Variants in CFAP299 observed in about 807,000 individuals in gnomAD.
CFAP299 encodes the protein cilia and flagella associated protein 299.
CFAP299 carries 21 observed loss-of-function variants against 27.0 expected under a neutral mutation model. The observed-to-expected ratio is 0.78, with a 90% CI of 0.55 to 1.12. The LOEUF (loss-of-function observed/expected upper bound fraction) is 1.12. Ranked by LOEUF, CFAP299 falls within the 50% of genes most tolerant of loss-of-function variation. CFAP299 has a pLI of 0.00. For synonymous variants in CFAP299, 104 were observed against 98.1 expected, an observed-to-expected ratio of 1.06 and a Z score of -0.36; for missense variants, 310 against 276.6, an observed-to-expected ratio of 1.12 and a Z score of -0.86.
At chr4:80,361,807 G>A (rs1242542982) in intron 1 of CFAP299, among the ~76,000 whole-genome samples, 3 of 152,066 alleles carry the variant, frequency 2.0e-5, no homozygotes, top group Non-Finnish European at 4.4e-5. Flanking sequence ...GACATCTTAA[G>A]TTTTCTCCTT....
At chr4:80,953,006 C>T (rs989690764) in intron 5 of CFAP299, among the ~76,000 whole-genome samples, 2 of 152,114 alleles carry the variant, frequency 1.3e-5, no homozygotes, top group African/African-American at 2.4e-5. Flanking sequence ...CTTGGAACCT[C>T]GCCCTTCAGT....
chr4:80,733,000 G>A (rs899876131), intron 3 of CFAP299, among the ~76,000 whole-genome samples: 2 of 151,988 alleles, frequency 1.3e-5, no homozygotes, highest in African/African-American at 4.8e-5. Flanking sequence ...AGTATAAATT[G>A]TGCTCACACT....
intron 2 of CFAP299, among the ~76,000 whole-genome samples, chr4:80,376,886 C>T (rs557517231): frequency 6.6e-6 from 1 of 152,290 alleles, no homozygotes; most frequent in South Asian, 2.1e-4. Context: ...AACTCCTGAC[C>T]TCAGGTGATC....
At chr4:80,901,094 A>T (rs930142538) in intron 4 of CFAP299, among the ~76,000 whole-genome samples, 1 of 152,162 alleles carries the variant, frequency 6.6e-6, no homozygotes, top group East Asian at 1.9e-4. Flanking sequence ...ACAATGGTAT[A>T]CAGAGAGCAA....
chr4:80,542,512 A>G (rs1734049241), intron 2 of CFAP299, among the ~76,000 whole-genome samples: 1 of 152,166 alleles, frequency 6.6e-6, no homozygotes, highest in African/African-American at 2.4e-5. Context: ...GCGGAGTACC[A>G]GAATGCATTC....
At chr4:80,363,600 T>C (rs10029323) in intron 2 of CFAP299, among the ~76,000 whole-genome samples, 1 of 152,200 alleles carries the variant, frequency 6.6e-6, no homozygotes, top group African/African-American at 2.4e-5. Context: ...AAACTTCCCA[T>C]GTACACATTA....
At chr4:80,916,400 T>C (rs1339902746) in intron 4 of CFAP299, among the ~76,000 whole-genome samples, 1 of 151,206 alleles carries the variant, frequency 6.6e-6, no homozygotes, top group Non-Finnish European at 1.5e-5. Flanking sequence ...TACTTCTGTA[T>C]TCCTTTGAAG....
intron 4 of CFAP299, among the ~76,000 whole-genome samples, chr4:80,934,339 A>G (rs1360817492): frequency 6.6e-6 from 1 of 152,076 alleles, no homozygotes; most frequent in African/African-American, 2.4e-5. Flanking sequence ...AAGAATTTTC[A>G]TCTATGTTTA....
At chr4:80,431,371 C>G (rs1727807846) in intron 2 of CFAP299, among the ~76,000 whole-genome samples, 1 of 147,036 alleles carries the variant, frequency 6.8e-6, no homozygotes, top group African/African-American at 2.5e-5. Flanking sequence ...ATCTCTCCCC[C>G]CTTCCTTCCC....
At chr4:80,757,668 A>T (rs1194003441) in intron 3 of CFAP299, among the ~76,000 whole-genome samples, 2 of 151,822 alleles carry the variant, frequency 1.3e-5, no homozygotes, top group East Asian at 3.9e-4. Flanking sequence ...GTTGTGAAAC[A>T]TTACTCTTTT....
chr4:80,400,211 A>C (rs1422202929), intron 2 of CFAP299, among the ~76,000 whole-genome samples: 3 of 151,970 alleles, frequency 2.0e-5, no homozygotes, highest in Non-Finnish European at 4.4e-5. Context: ...ATGATATAAT[A>C]GTAGTAGCAT....
chr4:80,914,784 C>T (rs989096819), intron 4 of CFAP299, among the ~76,000 whole-genome samples: 1 of 151,940 alleles, frequency 6.6e-6, no homozygotes, highest in Non-Finnish European at 1.5e-5. Flanking sequence ...CATAATATTC[C>T]CTTATTATGC....
At chr4:80,672,301 TA>T (rs983132552) in intron 3 of CFAP299, among the ~76,000 whole-genome samples, 27 of 152,202 alleles carry the variant, frequency 1.8e-4, no homozygotes, top group African/African-American at 4.8e-4. Context: ...TGTGATGGAT[TA>T]AGTTTACTGA....
At chr4:80,793,271 A>T (rs1727674672) in intron 3 of CFAP299, among the ~76,000 whole-genome samples, 1 of 152,042 alleles carries the variant, frequency 6.6e-6, no homozygotes, top group South Asian at 2.1e-4. Flanking sequence ...AGCATCCAGG[A>T]TGAGAGAAAG....
At chr4:80,668,905 T>C (rs145901262) in intron 3 of CFAP299, among the ~76,000 whole-genome samples, 1 of 152,136 alleles carries the variant, frequency 6.6e-6, no homozygotes, top group Non-Finnish European at 1.5e-5. Context: ...GTGCTTTGGG[T>C]AGAATTGTCA....
chr4:80,628,428 C>G (rs147385333), intron 3 of CFAP299, among the ~76,000 whole-genome samples: 20 of 152,076 alleles, frequency 1.3e-4, no homozygotes, highest in African/African-American at 4.8e-4. Flanking sequence ...TGGGCAATGA[C>G]TTTTTTGGAA....
chr4:80,873,751 C>T (rs1165791082), intron 4 of CFAP299, among the ~76,000 whole-genome samples: 2 of 152,138 alleles, frequency 1.3e-5, no homozygotes, highest in Non-Finnish European at 2.9e-5. Flanking sequence ...ATAAGCTCCG[C>T]ATATATTTGC....
At chr4:80,348,340 G>A (rs1286144432) in intron 1 of CFAP299, among the ~76,000 whole-genome samples, 1 of 152,046 alleles carries the variant, frequency 6.6e-6, no homozygotes, top group Non-Finnish European at 1.5e-5. Context: ...GAAAATTAGA[G>A]TGAACAGACA....
intron 3 of CFAP299, among the ~76,000 whole-genome samples, chr4:80,647,356 G>A (rs1158995120): frequency 6.6e-6 from 1 of 152,098 alleles, no homozygotes; most frequent in Non-Finnish European, 1.5e-5. Context: ...GTAGTCATTT[G>A]AAAAATATCA....
Sources: gnomAD v4.1 joint callset for allele counts (sites outside exome capture counted in the v4.1 genomes callset) on GRCh38, gnomAD v4.1.1 for gene constraint, MANE v1.5 for transcripts, NCBI Gene and HGNC (gene_info 2026-07-23, HGNC 2026-07-21) for gene names.